Variants in AKAP13 observed in about 807,000 individuals in gnomAD.
AKAP13 encodes the protein A-kinase anchor protein 13.
In AKAP13, 80 loss-of-function variants were observed where a neutral mutation model predicts 264.5. The ratio of observed to expected loss-of-function variants is 0.30; its 90% CI spans 0.25 to 0.36. The LOEUF is 0.36. Ranked by LOEUF, AKAP13 falls within the 10% of genes least tolerant of loss-of-function variation. The probability of loss-of-function intolerance (pLI) is 1.00; values close to 1 mark genes in which losing one functional copy is unlikely to be tolerated. For missense variants in AKAP13, 3,712 were observed against 3,435.2 expected, an observed-to-expected ratio of 1.08 and a Z score of -2.01; for synonymous variants, 1,380 against 1,250.2, an observed-to-expected ratio of 1.10 and a Z score of -2.19.
At chr15:85,528,371 C>G (rs746393032) in intron 3 of AKAP13, among the ~76,000 whole-genome samples, 8 of 152,184 alleles carry the variant, frequency 5.3e-5, no homozygotes, top group Non-Finnish European at 8.8e-5. Context: ...CAATGGCAAG[C>G]TTTGTTGGGC....
chr15:85,664,982 A>T (rs11639125), intron 13 of AKAP13, among the ~76,000 whole-genome samples: 4 of 151,960 alleles, frequency 2.6e-5, no homozygotes, highest in Non-Finnish European at 5.9e-5. Flanking sequence ...AGGAGGATCA[A>T]TTGAGCCCAG....
intron 1 of AKAP13, among the ~76,000 whole-genome samples, chr15:85,453,586 A>G (rs1263160672): frequency 6.6e-6 from 1 of 152,120 alleles, no homozygotes; most frequent in East Asian, 1.9e-4. Context: ...GAGGTCCCCC[A>G]GTGAGGAGGA....
intron 1 of AKAP13, chr15:85,381,821 TTAG>T (rs2070290585): frequency 6.6e-6 from 1 of 152,116 alleles, no homozygotes; most frequent in Non-Finnish European, 1.5e-5. Context: ...TTTTTTTTTG[TTAG>T]TAGTCCCCCC....
intron 1 of AKAP13, among the ~76,000 whole-genome samples, chr15:85,406,483 C>T (rs2071672951): frequency 6.8e-6 from 1 of 146,598 alleles, no homozygotes; most frequent in African/African-American, 2.6e-5. Context: ...CCATATTGCT[C>T]GTTGCTGGAC....
chr15:85,625,167 C>T (rs186271199), intron 8 of AKAP13, among the ~76,000 whole-genome samples: 1 of 152,302 alleles, frequency 6.6e-6, no homozygotes, highest in Admixed American at 6.5e-5. Context: ...TTCCACATTT[C>T]CAGCTACTTG....
intron 2 of AKAP13, among the ~76,000 whole-genome samples, chr15:85,520,943 G>A (rs1198442873): frequency 6.6e-6 from 1 of 152,274 alleles, no homozygotes; most frequent in African/African-American, 2.4e-5. Flanking sequence ...TGTTGCTGGA[G>A]AATGTATGGA....
intron 17 of AKAP13, among the ~76,000 whole-genome samples, chr15:85,701,977 G>A (rs1438686108): frequency 6.6e-6 from 1 of 151,940 alleles, no homozygotes; most frequent in Non-Finnish European, 1.5e-5. Flanking sequence ...CAGGCACGGT[G>A]GCTCACGCCT....
intron 8 of AKAP13, among the ~76,000 whole-genome samples, chr15:85,636,636 G>A (rs338503): frequency 0.27 from 40,661 of 149,882 alleles, 7,839 homozygotes; most frequent in East Asian, 0.57. Flanking sequence ...TTCCTTTGAG[G>A]CAGATTCTTG....
In AKAP13 at chr15:85,579,145, A is replaced by G. The variant is rs1328834688; in HGVS notation, c.1077A>G (p.Ile359Met). Residue 359 changes from isoleucine to methionine, a missense_variant, in exon 7 of 37, where the codon ATA becomes ATG. Ile to Met is a conservative substitution (Grantham distance 10). Around this residue, in one of 3 missense-constraint regions of AKAP13, gnomAD observed 2,759 missense variants for 2,411.7 expected, o/e 1.14. Transcript: ENST00000394518. ...QTESPCDLSS[I>M]VEEENTDRSC... ...AAAGTCCCTGTGATTTGTCAAGCAT[A>G]GTTGAGGAGGAGAATACAGACCGTT... 1 of 1,614,160 alleles carries G rather than the reference A, an allele frequency of 6.2e-7. No individual in the cohort carries two copies. Among genetic ancestry groups the G allele is most frequent in the South Asian group, 1.1e-5 (1 of 91,084 alleles).
intron 4 of AKAP13, among the ~76,000 whole-genome samples, chr15:85,537,733 ATCTC>A (rs1330987897): frequency 6.6e-6 from 1 of 152,196 alleles, no homozygotes; most frequent in Non-Finnish European, 1.5e-5. Flanking sequence ...AAAATACTCA[ATCTC>A]TCTGTTACTT....
At chr15:85,588,028 T>A (rs1403352572) in intron 8 of AKAP13, among the ~76,000 whole-genome samples, 1 of 150,570 alleles carries the variant, frequency 6.6e-6, no homozygotes, top group East Asian at 1.9e-4. Flanking sequence ...AAAAAAAAAA[T>A]TAGAAAGCTG....
At position 85,744,921 on chromosome 15, in the gene AKAP13, C is replaced by T. The variant is rs1210349476; in HGVS notation, c.*244C>T. 2 of 439,302 alleles carry T rather than the reference C, an allele frequency of 4.6e-6. No homozygotes were observed. Among genetic ancestry groups the T allele is most frequent in the Non-Finnish European group, 8.0e-6 (2 of 248,798 alleles). 27.2% of individuals were successfully genotyped at this position (439,302 alleles called of 1,614,324 possible). On this transcript the variant is annotated 3_prime_UTR_variant, in exon 37 of 37. Transcript: ENST00000394518. ...CCCAGGACTCTCAGGTTGGGCTGGC[C>T]CTACTCAGGATTACACTGAAAGTAA... is the stretch of plus-strand genomic sequence containing the variant.
chr15:85,461,091 T>C (rs981011084), intron 1 of AKAP13, among the ~76,000 whole-genome samples: 1 of 151,632 alleles, frequency 6.6e-6, no homozygotes, highest in Non-Finnish European at 1.5e-5. Context: ...TTAAGCTCTT[T>C]AAGGACAAGG....
intron 8 of AKAP13, among the ~76,000 whole-genome samples, chr15:85,592,163 G>A (rs2151333522): frequency 6.6e-6 from 1 of 151,478 alleles, no homozygotes; most frequent in East Asian, 1.9e-4. Flanking sequence ...CTGTAGTAAG[G>A]GCATTGTTGG....
intron 8 of AKAP13, among the ~76,000 whole-genome samples, chr15:85,595,726 T>C (rs898172583): frequency 3.3e-5 from 5 of 152,198 alleles, no homozygotes; most frequent in Non-Finnish European, 5.9e-5. Context: ...TTTTTTACTT[T>C]CACAATACGC....
At position 85,718,774 on chromosome 15, in the gene AKAP13, C is replaced by T; in HGVS notation, c.6002-302C>T. ...AATCAGCCAGGCGTGATGGCATGTA[C>T]CTGCAGCCCCAGCTGCTCGAGAGGC... On this transcript the variant is annotated intron_variant, in intron 22 of 36. Coordinates refer to ENST00000394518, the MANE Select transcript of AKAP13 (RefSeq NM_007200.5). The surrounding 1 kb of genome is among the most constrained non-coding windows in gnomAD (Gnocchi z 4.9). 6.0e-6 allele frequency: 2 copies of T among 333,902 alleles called. No individual in the cohort carries two copies. The highest frequency in any genetic ancestry group is 1.1e-5 in the Non-Finnish European group (2 of 176,306). The allele number at this position is 333,902 out of a possible 1,614,324, so 20.7% of individuals were successfully genotyped here. A position where few individuals can be genotyped will look rare whatever the true frequency, so the allele number is the denominator to read the frequency against.
At chr15:85,549,743 A>G (rs556190508) in intron 5 of AKAP13, among the ~76,000 whole-genome samples, 4 of 152,364 alleles carry the variant, frequency 2.6e-5, no homozygotes, top group South Asian at 4.1e-4. Context: ...ACTAGGGTAC[A>G]GTATTAAATG....
intron 1 of AKAP13, among the ~76,000 whole-genome samples, chr15:85,483,458 C>G (rs1439719500): frequency 2.0e-5 from 3 of 151,726 alleles, no homozygotes; most frequent in African/African-American, 7.3e-5. Context: ...AACCCCGTCT[C>G]TACTAAATAT....
At chr15:85,384,978 A>G (rs2070479872) in intron 1 of AKAP13, among the ~76,000 whole-genome samples, 1 of 152,162 alleles carries the variant, frequency 6.6e-6, no homozygotes, top group Non-Finnish European at 1.5e-5. Flanking sequence ...TGTGGATATC[A>G]GTGTGTTTGT....
Sources: gnomAD v4.1 joint callset for allele counts (sites outside exome capture counted in the v4.1 genomes callset) on GRCh38, gnomAD v4.1.1 for gene constraint, gnomAD v4.1.1 regional missense constraint, Gnocchi (gnomAD v3.1) non-coding constraint, MANE v1.5 for transcripts, NCBI Gene and HGNC (gene_info 2026-07-23, HGNC 2026-07-21) for gene names.